POLR1E: variants seen among roughly 807,000 people sequenced by gnomAD.
POLR1E encodes the protein RNA polymerase I subunit E.
Under a neutral mutation model 50.9 loss-of-function variants are expected in POLR1E, and 37 were observed. The observed-to-expected ratio is 0.73, with a 90% CI of 0.56 to 0.96. POLR1E has a LOEUF of 0.96. Among genes scored for constraint, POLR1E ranks in the 40% least tolerant of loss-of-function variants. The probability of loss-of-function intolerance (pLI) is 0.00; values close to 1 mark genes in which losing one functional copy is unlikely to be tolerated. For missense variants in POLR1E, 426 were observed against 518.1 expected (o/e 0.82, Z 1.73); for synonymous variants, 166 against 191.6 (o/e 0.87, Z 1.10).
intron 2 of POLR1E, among the ~76,000 whole-genome samples, chr9:37,487,210 G>T (rs1168892006): frequency 6.6e-6 from 1 of 152,180 alleles, no homozygotes; most frequent in Non-Finnish European, 1.5e-5. Flanking sequence ...GATTTCCCTG[G>T]ATTGAGAACC....
In POLR1E at chr9:37,485,973, G is replaced by C; in HGVS notation, c.-75G>C. ...CTTTTCCGGCCCGCAGCGCGGCCTG[G>C]GCTCCCGCGTGTTTAAAAGTGCGCT... On this transcript the variant is annotated 5_prime_UTR_variant, in exon 1 of 12. Coordinates refer to ENST00000377798, the MANE Select transcript of POLR1E (RefSeq NM_022490.4). 6 of 1,538,354 alleles carry C rather than the reference G, an allele frequency of 3.9e-6. No homozygotes were observed. Among genetic ancestry groups the C allele is most frequent in the African/African-American group, 1.4e-5 (1 of 73,096 alleles).
Position 37,503,438 on chromosome 9 carries a change from C to G in POLR1E, c.*236C>G, listed in dbSNP as rs1242743306. 5.5e-6 allele frequency: 2 copies of G among 364,172 alleles called. No individual in the cohort carries two copies. The highest frequency in any genetic ancestry group is 2.1e-5 in the African/African-American group (1 of 48,008). The allele number at this position is 364,172 out of a possible 1,614,324, so 22.6% of individuals were successfully genotyped here. A position where few individuals can be genotyped will look rare whatever the true frequency, so the allele number is the denominator to read the frequency against. On this transcript the variant is annotated 3_prime_UTR_variant, in exon 12 of 12. Coordinates refer to ENST00000377798, the MANE Select transcript of POLR1E (RefSeq NM_022490.4). ...CCGGAGGAAAAAAAAAAGAGTCAGG[C>G]CTGGTGGTGTGCGCCTGTAATCCCA...
Position 37,503,347 on chromosome 9 carries a change from G to C in POLR1E, c.*145G>C. ...AATCCCAGCACTTTGGGAGGCCGAG[G>C]CAGGAAGATCATTGAGCTCAGGAGT... On this transcript the variant is annotated 3_prime_UTR_variant, in exon 12 of 12. Coordinates refer to ENST00000377798, the MANE Select transcript of POLR1E (RefSeq NM_022490.4). 1 of 997,038 alleles carries C rather than the reference G, an allele frequency of 1.0e-6. No homozygotes were observed. The highest frequency in any genetic ancestry group is 1.4e-6 in the Non-Finnish European group (1 of 716,692). 61.8% of individuals were successfully genotyped at this position (997,038 alleles called of 1,614,324 possible).
chr9:37,486,857 C>T, intron 2 of POLR1E, 51 bp downstream of exon 2: 1 of 1,555,864 alleles, frequency 6.4e-7, no homozygotes, highest in Non-Finnish European at 8.6e-7. Context: ...TCAGAAGGCC[C>T]CTGGGAGTGG....
chr9:37,501,262 C>G (rs550904108), intron 10 of POLR1E, among the ~76,000 whole-genome samples: 2 of 152,366 alleles, frequency 1.3e-5, no homozygotes, highest in East Asian at 3.8e-4. Context: ...AAGGGCAGCC[C>G]AACTCGGTGA....
At chr9:37,493,112 A>G (rs1174340875) in intron 5 of POLR1E, among the ~76,000 whole-genome samples, 1 of 152,238 alleles carries the variant, frequency 6.6e-6, no homozygotes, top group Non-Finnish European at 1.5e-5. Context: ...TCTCACCCCA[A>G]GATGACAAAC....
intron 7 of POLR1E, 126 bp from the exon 8 acceptor site, chr9:37,495,764 T>C: frequency 2.9e-6 from 2 of 683,310 alleles, no homozygotes; most frequent in Non-Finnish European, 2.7e-6. Context: ...CCCTATGTGA[T>C]CTGCCCTGTG....
At chr9:37,501,633 T>C in intron 10 of POLR1E, 80 bp from the exon 11 acceptor site, 1 of 1,497,724 alleles carries the variant, frequency 6.7e-7, no homozygotes, top group Middle Eastern at 2.0e-4. Flanking sequence ...GAGAATAGGA[T>C]TGGATGTTCT....
At chr9:37,486,929 ACT>A in intron 2 of POLR1E, 123 bp downstream of exon 2, 1 of 1,130,564 alleles carries the variant, frequency 8.8e-7, no homozygotes, top group Non-Finnish European at 1.2e-6. Context: ...GCTTTGAAGA[ACT>A]CTGATGCCCA....
chr9:37,499,840 G>A (rs1014823892), intron 9 of POLR1E, among the ~76,000 whole-genome samples: 30 of 147,732 alleles, frequency 2.0e-4, no homozygotes, highest in Admixed American at 1.8e-3. Context: ...GCTTGTATTT[G>A]CTTAGTTCTT....
intron 6 of POLR1E, among the ~76,000 whole-genome samples, chr9:37,494,440 A>G (rs1820748032): frequency 2.0e-5 from 3 of 152,250 alleles, no homozygotes; most frequent in South Asian, 4.2e-4. Flanking sequence ...TCACAAATTT[A>G]TTTATTGATT....
At chr9:37,501,686 T>A (rs943095677) in intron 10 of POLR1E, 27 bp from the exon 11 acceptor site, 3 of 1,600,552 alleles carry the variant, frequency 1.9e-6, no homozygotes, top group Non-Finnish European at 2.6e-6. Flanking sequence ...TAATTTTGTT[T>A]CTCCTTTATT....
rs368098803 is a variant in POLR1E, at chr9:37,489,391, C to G, written c.334C>G (p.Leu112Val). 9 of 1,592,454 alleles carry G rather than the reference C, an allele frequency of 5.7e-6. No individual in the cohort carries two copies. Among genetic ancestry groups the G allele is most frequent in the Non-Finnish European group, 7.7e-6 (9 of 1,173,710 alleles). The change falls in exon 4 of 12, where the codon CTA becomes GTA. Residue 112 changes from leucine to valine, a missense_variant. Leu to Val is a conservative substitution (Grantham distance 32). Transcript: ENST00000377798. ...YDAELFNMQPLFSDVSVESEL... is the reference protein window; with the variant it reads ...YDAELFNMQPVFSDVSVESEL... ...TGCTGAATTGTTCAACATGCAGCCA[C>G]TATTTTCAGGTAGGTCCCAGTCATG... is the stretch of plus-strand genomic sequence containing the variant.
intron 11 of POLR1E, 137 bp downstream of exon 11, chr9:37,501,981 T>G: frequency 1.1e-6 from 1 of 877,468 alleles, no homozygotes; most frequent in Non-Finnish European, 1.7e-6. Context: ...AAGGACTATT[T>G]TCAATGAATG....
intron 7 of POLR1E, 58 bp downstream of exon 7, chr9:37,495,334 G>C (rs897480188): frequency 7.3e-7 from 1 of 1,374,826 alleles, no homozygotes; most frequent in African/African-American, 1.4e-5. Flanking sequence ...GTTTGCACGT[G>C]TGTGCAGTCA....
intron 3 of POLR1E, 115 bp from the exon 4 acceptor site, chr9:37,489,200 T>G (rs1820632959): frequency 1.4e-6 from 1 of 701,044 alleles, no homozygotes; most frequent in East Asian, 3.5e-5. Flanking sequence ...ATCATGCCAC[T>G]CCACTCCAGC....
rs1375371570 is a variant in POLR1E, at chr9:37,486,277, C to G, written c.76+154C>G. The G allele has an allele frequency of 3.1e-6, 4 of 1,274,474 alleles. No individual in the cohort carries two copies. In the East Asian group the frequency reaches 1.0e-4, roughly 32 times the overall value. 78.9% of individuals were successfully genotyped at this position (1,274,474 alleles called of 1,614,324 possible). On this transcript the variant is annotated intron_variant, in intron 1 of 11. Coordinates refer to ENST00000377798, the MANE Select transcript of POLR1E (RefSeq NM_022490.4). ...TCCCCTGGGCTCTGTCAGGGCTCCC[C>G]TGTCCGTCTTTCTGTCACTACCTCC...
chr9:37,497,993 G>T (rs185321851), intron 8 of POLR1E, 98 bp from the exon 9 acceptor site: 3 of 1,406,406 alleles, frequency 2.1e-6, no homozygotes, highest in African/African-American at 1.5e-5. Context: ...GTGCGTCGGG[G>T]TGAGAGGCGC....
chr9:37,498,872 C>T (rs1039074885), intron 9 of POLR1E, among the ~76,000 whole-genome samples: 4 of 152,114 alleles, frequency 2.6e-5, no homozygotes, highest in Non-Finnish European at 5.9e-5. Flanking sequence ...AGTCATGTGT[C>T]GCTTAATGAT....
Sources: gnomAD v4.1 joint callset for allele counts (sites outside exome capture counted in the v4.1 genomes callset) on GRCh38, gnomAD v4.1.1 for gene constraint, MANE v1.5 for transcripts, NCBI Gene and HGNC (gene_info 2026-07-23, HGNC 2026-07-21) for gene names.